Variants in NUP93 observed in about 807,000 individuals in gnomAD.
NUP93 encodes nuclear pore complex protein Nup93.
NUP93 carries 55 observed loss-of-function variants against 107.8 expected under a neutral mutation model. The ratio of observed to expected loss-of-function variants is 0.51; its 90% CI spans 0.41 to 0.64. The LOEUF is 0.64. Ranked by LOEUF, NUP93 falls within the 30% of genes least tolerant of loss-of-function variation. The pLI, the probability that NUP93 is intolerant of heterozygous loss-of-function variation, is 0.00. For synonymous variants in NUP93, 390 were observed against 397.5 expected (o/e 0.98, Z 0.22); for missense variants, 937 against 1,044.7 (o/e 0.90, Z 1.42).
At position 56,844,636 on chromosome 16, in the gene NUP93, C is replaced by A. The variant is rs535031511; in HGVS notation, c.*27C>A. The A allele has an allele frequency of 4.7e-6, 7 of 1,497,120 alleles. No homozygotes were observed. The highest frequency in any genetic ancestry group is 5.5e-6 in the Non-Finnish European group (6 of 1,091,410). The allele number at this position is 1,497,120 out of a possible 1,614,324, so 92.7% of individuals were successfully genotyped here. A position where few individuals can be genotyped will look rare whatever the true frequency, so the allele number is the denominator to read the frequency against. On this transcript the variant is annotated 3_prime_UTR_variant, in exon 22 of 22. Coordinates refer to ENST00000308159, the MANE Select transcript of NUP93 (RefSeq NM_014669.5). ...TGCCATGCTTTGTGGGAGTCTGGGT[C>A]GGCACACTGTCAGTACATCAGGCAC...
intron 1 of NUP93, among the ~76,000 whole-genome samples, chr16:56,744,120 C>G (rs1428843068): frequency 6.6e-6 from 1 of 152,200 alleles, no homozygotes; most frequent in Non-Finnish European, 1.5e-5. Flanking sequence ...CTTAGTGTTG[C>G]TTCTTCCTGT....
intron 3 of NUP93, among the ~76,000 whole-genome samples, chr16:56,772,012 C>G (rs1443464005): frequency 6.6e-6 from 1 of 152,066 alleles, no homozygotes; most frequent in Non-Finnish European, 1.5e-5. Flanking sequence ...CCCTTTCATT[C>G]TTTTTCTTTT....
intron 3 of NUP93, among the ~76,000 whole-genome samples, chr16:56,778,723 G>C (rs533499336): frequency 7.1e-4 from 108 of 152,302 alleles, no homozygotes; most frequent in East Asian, 5.0e-3. Flanking sequence ...AGATTAACTA[G>C]ATTGAGAGTT....
At chr16:56,823,653 A>G (rs1220420111) in intron 7 of NUP93, 54 bp from the exon 8 acceptor site, 1 of 1,598,442 alleles carries the variant, frequency 6.3e-7, no homozygotes, top group East Asian at 2.2e-5. Context: ...ACAAAGAACT[A>G]GATAATTTCT....
intron 8 of NUP93, among the ~76,000 whole-genome samples, chr16:56,827,333 A>T (rs1445526127): frequency 6.6e-6 from 1 of 152,168 alleles, no homozygotes; most frequent in Non-Finnish European, 1.5e-5. Flanking sequence ...GGAATGGTAG[A>T]AAAATCATCA....
intron 4 of NUP93, among the ~76,000 whole-genome samples, chr16:56,803,464 A>G (rs1484580743): frequency 6.6e-6 from 1 of 152,026 alleles, no homozygotes; most frequent in East Asian, 1.9e-4. Context: ...AATAATAATA[A>G]TAATAATAAA....
chr16:56,826,622 T>A (rs1963665990), intron 8 of NUP93, among the ~76,000 whole-genome samples: 1 of 152,100 alleles, frequency 6.6e-6, no homozygotes, highest in Non-Finnish European at 1.5e-5. Context: ...ATAGAAACTT[T>A]GGAAGATGCT....
At chr16:56,833,535 A>AG in intron 13 of NUP93, 129 bp downstream of exon 13, 2 of 705,120 alleles carry the variant, frequency 2.8e-6, no homozygotes, top group Non-Finnish European at 4.3e-6. Flanking sequence ...GCATGTGGAC[A>AG]GTTGAGCTTT....
intron 2 of NUP93, among the ~76,000 whole-genome samples, chr16:56,755,696 G>A (rs1317297944): frequency 6.6e-6 from 1 of 152,080 alleles, no homozygotes; most frequent in Non-Finnish European, 1.5e-5. Flanking sequence ...CCAACATGGA[G>A]AAACCCTGTC....
At chr16:56,795,342 T>G (rs746197708) in intron 3 of NUP93, among the ~76,000 whole-genome samples, 7 of 152,240 alleles carry the variant, frequency 4.6e-5, no homozygotes, top group Non-Finnish European at 8.8e-5. Flanking sequence ...GTTTGTTGAC[T>G]TGACATAATC....
At chr16:56,839,472 A>G (rs1439270561) in intron 19 of NUP93, 49 bp from the exon 20 acceptor site, 1 of 1,469,744 alleles carries the variant, frequency 6.8e-7, no homozygotes, top group Non-Finnish European at 9.3e-7. Context: ...AGAGAGATGA[A>G]ATGACTGTGA....
intron 5 of NUP93, among the ~76,000 whole-genome samples, chr16:56,808,518 CTATA>C (rs1199956226): frequency 1.8e-5 from 2 of 109,690 alleles, no homozygotes; most frequent in Non-Finnish European, 3.4e-5. Context: ...AGTTATGTAA[CTATA>C]TATAAATATA....
rs750947577 is a variant in NUP93, at chr16:56,833,231, G to A, written c.1362G>A (p.Thr454=). The A allele has an allele frequency of 6.9e-6, 11 of 1,596,706 alleles. No individual in the cohort carries two copies. The highest frequency in any genetic ancestry group is 8.5e-6 in the Non-Finnish European group (10 of 1,173,734). Residue 454 remains threonine, a synonymous_variant, in exon 13 of 22, where the codon ACG becomes ACA. Coordinates refer to ENST00000308159, the MANE Select transcript of NUP93 (RefSeq NM_014669.5). ...LLEDYGESHF[T]VNQQPFLYFQ... is the part of the protein sequence containing the mutation. ...CTCTCCCAGGCGAGTCCCACTTTAC[G>A]GTGAACCAGCAACCCTTCCTCTACT...
intron 21 of NUP93, among the ~76,000 whole-genome samples, chr16:56,842,221 T>C (rs1440533200): frequency 6.6e-6 from 1 of 152,216 alleles, no homozygotes; most frequent in Non-Finnish European, 1.5e-5. Context: ...TGTGAACCCT[T>C]GTTTCTCCTG....
At chr16:56,732,026 C>T (rs1422675454) in intron 1 of NUP93, among the ~76,000 whole-genome samples, 1 of 152,184 alleles carries the variant, frequency 6.6e-6, no homozygotes, top group Non-Finnish European at 1.5e-5. Context: ...TGCTCCCTCC[C>T]TTTCCAAACG....
chr16:56,823,709 C>T lies in NUP93; in HGVS notation c.657C>T (p.Ser219=), dbSNP rs201948167. ...CASVAELDDK[S]ISDMWTMVKQ... is the part of the protein sequence containing the mutation. ...CATGCAGTTTCATTTATGTGCAGAG[C>T]ATTTCCGACATGTGGACCATGGTAA... The change falls in exon 8 of 22, where the codon AGC becomes AGT. Residue 219 remains serine, a splice_region_variant and synonymous_variant. Transcript: ENST00000308159. 3.1e-6 allele frequency: 5 copies of T among 1,614,008 alleles called. No individual in the cohort carries two copies. Among genetic ancestry groups the T allele is most frequent in the Non-Finnish European group, 3.4e-6 (4 of 1,179,910 alleles).
intron 2 of NUP93, among the ~76,000 whole-genome samples, chr16:56,751,689 A>T (rs1961922616): frequency 6.6e-6 from 1 of 152,204 alleles, no homozygotes; most frequent in Admixed American, 6.5e-5. Flanking sequence ...TCAGTGAGTG[A>T]CAGGTGAGAC....
intron 5 of NUP93, among the ~76,000 whole-genome samples, chr16:56,814,015 A>T (rs1853183902): frequency 6.6e-6 from 1 of 152,176 alleles, no homozygotes; most frequent in Non-Finnish European, 1.5e-5. Context: ...TTTTGCCTAC[A>T]ACTTTTAAAG....
intron 3 of NUP93, among the ~76,000 whole-genome samples, chr16:56,776,247 G>A (rs1407721823): frequency 1.3e-5 from 2 of 152,008 alleles, no homozygotes; most frequent in Non-Finnish European, 2.9e-5. Context: ...TGTTTAAATC[G>A]TTGAGGGTTG....
Sources: gnomAD v4.1 joint callset for allele counts (sites outside exome capture counted in the v4.1 genomes callset) on GRCh38, gnomAD v4.1.1 for gene constraint, MANE v1.5 for transcripts, NCBI Gene and HGNC (gene_info 2026-07-23, HGNC 2026-07-21) for gene names.